GTF2E1: variants seen among roughly 807,000 people sequenced by gnomAD.
The protein encoded by GTF2E1 is general transcription factor IIE subunit 1, also known as TFIIE alpha subunit.
Under a neutral mutation model 34.9 loss-of-function variants are expected in GTF2E1, and 14 were observed. The observed-to-expected ratio is 0.40, with a 90% CI of 0.27 to 0.63. GTF2E1 has a LOEUF of 0.63. GTF2E1 is among the 20% of genes least tolerant of loss of function. The probability of loss-of-function intolerance (pLI) is 0.39; values close to 1 mark genes in which losing one functional copy is unlikely to be tolerated. For synonymous variants in GTF2E1, 188 were observed against 192.9 expected (o/e 0.97, Z 0.21); for missense variants, 469 against 557.7 (o/e 0.84, Z 1.60).
intron 1 of GTF2E1, 121 bp from the exon 2 acceptor site, chr3:120,750,402 A>C: frequency 1.6e-6 from 1 of 627,102 alleles, no homozygotes; most frequent in Non-Finnish European, 2.8e-6. Flanking sequence ...TGCTCTGTTA[A>C]ATGCTTAGGT....
chr3:120,759,175 A>G (rs904582505), intron 2 of GTF2E1, among the ~76,000 whole-genome samples: 3 of 152,182 alleles, frequency 2.0e-5, no homozygotes, highest in Non-Finnish European at 4.4e-5. Flanking sequence ...ACCAGTGATG[A>G]TGAGCATTTT....
chr3:120,765,884 CT>C (rs1709303447), intron 2 of GTF2E1, among the ~76,000 whole-genome samples: 1 of 152,140 alleles, frequency 6.6e-6, no homozygotes, highest in Non-Finnish European at 1.5e-5. Flanking sequence ...CCTTCATTTT[CT>C]CTCTGTTGCC....
intron 1 of GTF2E1, 55 bp downstream of exon 1, chr3:120,742,849 C>T: frequency 2.8e-6 from 1 of 354,478 alleles, no homozygotes; most frequent in East Asian, 6.9e-5. Flanking sequence ...CATTGCATTT[C>T]ATGATTTCTT....
Position 120,781,503 on chromosome 3 carries a change from C to T in GTF2E1, c.*33C>T. 6.5e-7 allele frequency: 1 copy of T among 1,536,678 alleles called. No homozygotes were observed. The highest frequency in any genetic ancestry group is 9.0e-7 in the Non-Finnish European group (1 of 1,115,346). ...CTAATTCTTTCTCCTTTCTCTAATG[C>T]TCAGTTCAAAAAGGAATGTCTCATC... On this transcript the variant is annotated 3_prime_UTR_variant, in exon 5 of 5. Transcript: ENST00000283875.
Position 120,775,870 on chromosome 3 carries a change from G to A in GTF2E1, c.651-553G>A, listed in dbSNP as rs148738720. Reference sequence around the variant, plus strand: ...TTTGTGCAGAGGGTTATACCTTACTGCATGAGTGGTGGGAGAAGAACGTTG... The same window carrying A: ...TTTGTGCAGAGGGTTATACCTTACTACATGAGTGGTGGGAGAAGAACGTTG... On this transcript the variant is annotated intron_variant, in intron 3 of 4. Coordinates refer to ENST00000283875, the MANE Select transcript of GTF2E1 (RefSeq NM_005513.3). Among the ~76,000 whole-genome samples, 81 of 152,302 alleles carry A rather than the reference G, an allele frequency of 5.3e-4. No homozygotes were observed. The Middle Eastern group carries it at 0.01, about 19-fold the overall frequency.
chr3:120,757,889 C>T (rs1033480060), intron 2 of GTF2E1, among the ~76,000 whole-genome samples: 5 of 152,110 alleles, frequency 3.3e-5, no homozygotes, highest in African/African-American at 7.2e-5. Flanking sequence ...TGGCTGGGAG[C>T]GATAGCTCAA....
Position 120,776,519 on chromosome 3 carries a change from A to G in GTF2E1, c.747A>G (p.Leu249=). 1.2e-6 allele frequency: 2 copies of G among 1,614,022 alleles called. No homozygotes were observed. The highest frequency in any genetic ancestry group is 1.7e-6 in the Non-Finnish European group (2 of 1,179,910). ...CCAAAGGTCCTTCCTATGAAGACTT[A>G]TACACTCAGAATGTTGTCATTAACA... ...WATKGPSYED[L]YTQNVVINMD... Residue 249 remains leucine, a synonymous_variant, in exon 4 of 5, where the codon TTA becomes TTG. Coordinates refer to ENST00000283875, the MANE Select transcript of GTF2E1 (RefSeq NM_005513.3).
chr3:120,756,554 C>T (rs1230132256), intron 2 of GTF2E1, among the ~76,000 whole-genome samples: 1 of 152,014 alleles, frequency 6.6e-6, no homozygotes, highest in Non-Finnish European at 1.5e-5. Context: ...CCTCTTCTAC[C>T]CTTCCACCAC....
intron 4 of GTF2E1, among the ~76,000 whole-genome samples, 159 bp from the exon 5 acceptor site, chr3:120,780,884 A>G (rs1709440764): frequency 6.6e-6 from 1 of 152,210 alleles, no homozygotes; most frequent in African/African-American, 2.4e-5. Flanking sequence ...GTTTGTAAGA[A>G]ATATTTTGAA....
chr3:120,770,815 G>A lies in GTF2E1; in HGVS notation c.536G>A (p.Arg179Lys). 1 of 1,613,662 alleles carries A rather than the reference G, an allele frequency of 6.2e-7. No homozygotes were observed. The highest frequency in any genetic ancestry group is 8.5e-7 in the Non-Finnish European group (1 of 1,179,628). Residue 179 changes from arginine to lysine, a missense_variant, in exon 3 of 5, where the codon AGG becomes AAG. By Grantham distance (26) the Arg-to-Lys change is conservative. Transcript: ENST00000283875. Reference sequence around the variant, plus strand: ...AAAGATGCACGCACACTTTTGGCAAGGTTTAATGAACAAATTGAGCCCATT... The same window carrying A: ...AAAGATGCACGCACACTTTTGGCAAAGTTTAATGAACAAATTGAGCCCATT... ...PKKDARTLLARFNEQIEPIYA... is the reference protein window; with the variant it reads ...PKKDARTLLAKFNEQIEPIYA...
chr3:120,746,445 C>T (rs776093394), intron 1 of GTF2E1, among the ~76,000 whole-genome samples: 19 of 151,568 alleles, frequency 1.3e-4, no homozygotes, highest in African/African-American at 4.4e-4. Context: ...GCCGAGCTTG[C>T]GCCACTGCAC....
chr3:120,766,827 G>T (rs745577603), intron 2 of GTF2E1, among the ~76,000 whole-genome samples: 23 of 152,110 alleles, frequency 1.5e-4, no homozygotes, highest in Non-Finnish European at 2.6e-4. Flanking sequence ...AGTAGCGTGG[G>T]TGCCTGCTTG....
intron 4 of GTF2E1, among the ~76,000 whole-genome samples, chr3:120,779,444 ACT>A (rs1158581492): frequency 1.3e-5 from 2 of 152,110 alleles, no homozygotes; most frequent in Admixed American, 6.5e-5. Context: ...TTTGATTTTA[ACT>A]CTCATTTTGA....
intron 2 of GTF2E1, among the ~76,000 whole-genome samples, chr3:120,763,125 A>G (rs1709278912): frequency 6.6e-6 from 1 of 152,138 alleles, no homozygotes; most frequent in South Asian, 2.1e-4. Flanking sequence ...CCGCATATAT[A>G]TATTCTATTG....
intron 2 of GTF2E1, among the ~76,000 whole-genome samples, chr3:120,765,334 C>G (rs980067014): frequency 2.6e-5 from 4 of 152,088 alleles, no homozygotes; most frequent in Non-Finnish European, 5.9e-5. Context: ...TGTTCGTTAT[C>G]TGCAATGGGA....
At chr3:120,755,366 A>T (rs1254926590) in intron 2 of GTF2E1, among the ~76,000 whole-genome samples, 1 of 152,196 alleles carries the variant, frequency 6.6e-6, no homozygotes, top group Non-Finnish European at 1.5e-5. Flanking sequence ...ACATTTAAAA[A>T]TTTTTAAGAT....
intron 4 of GTF2E1, among the ~76,000 whole-genome samples, chr3:120,779,789 T>C (rs1310596495): frequency 3.3e-5 from 5 of 152,202 alleles, no homozygotes; most frequent in Non-Finnish European, 5.9e-5. Context: ...TCCCCCTTTC[T>C]GTACTTGAGA....
intron 1 of GTF2E1, among the ~76,000 whole-genome samples, chr3:120,747,111 G>GT (rs889766043): frequency 2.5e-4 from 37 of 149,250 alleles, no homozygotes; most frequent in East Asian, 9.8e-4. Flanking sequence ...TTTTTGTTTT[G>GT]TTTTTTTTTG....
intron 2 of GTF2E1, among the ~76,000 whole-genome samples, chr3:120,751,279 G>T (rs1001794339): frequency 6.6e-6 from 1 of 152,032 alleles, no homozygotes; most frequent in African/African-American, 2.4e-5. Context: ...TAATCTGAAG[G>T]GTTGATTTCT....
Sources: gnomAD v4.1 joint callset for allele counts (sites outside exome capture counted in the v4.1 genomes callset) on GRCh38, gnomAD v4.1.1 for gene constraint, MANE v1.5 for transcripts, NCBI Gene and HGNC (gene_info 2026-07-23, HGNC 2026-07-21) for gene names.